ZBTB44: variants seen among roughly 807,000 people sequenced by gnomAD.
The protein encoded by ZBTB44 is zinc finger and BTB domain-containing protein 44.
In ZBTB44, 15 loss-of-function variants were observed where a neutral mutation model predicts 54.0. The observed-to-expected ratio is 0.28, with a 90% CI of 0.19 to 0.43. The LOEUF is 0.43. ZBTB44 is among the 20% of genes least tolerant of loss of function. ZBTB44 has a pLI of 1.00. For missense variants in ZBTB44, 487 were observed against 707.1 expected (o/e 0.69, Z 3.53); for synonymous variants, 230 against 250.1 (o/e 0.92, Z 0.76).
chr11:130,276,886 T>A (rs1172601139), intron 1 of ZBTB44, among the ~76,000 whole-genome samples: 1 of 152,364 alleles, frequency 6.6e-6, no homozygotes, highest in Non-Finnish European at 1.5e-5. Context: ...ATGACCCTTT[T>A]ATCCTTATAA....
chr11:130,260,923 C>T lies in ZBTB44; in HGVS notation c.951G>A (p.Gln317=). ...CTTGTTCACTTCCTGGAACTGTCTGCTGATCACTCAGCGAACTCTGAGATG... is the reference window on the plus strand; with the variant it reads ...CTTGTTCACTTCCTGGAACTGTCTGTTGATCACTCAGCGAACTCTGAGATG... ...VSASQSSLSD[Q]QTVPGSEQVQ... is the part of the protein sequence containing the mutation. The change falls in exon 2 of 8, where the codon CAG becomes CAA. Residue 317 remains glutamine, a synonymous_variant. Transcript: ENST00000357899. 6.2e-7 allele frequency: 1 copy of T among 1,614,024 alleles called. No individual in the cohort carries two copies. Among genetic ancestry groups the T allele is most frequent in the South Asian group, 1.1e-5 (1 of 91,084 alleles).
chr11:130,306,694 G>A (rs564121815), intron 1 of ZBTB44, among the ~76,000 whole-genome samples: 24 of 152,170 alleles, frequency 1.6e-4, no homozygotes, highest in South Asian at 1.0e-3. Context: ...TAAAGAAAAC[G>A]TGGTATATTT....
At chr11:130,252,514 A>C (rs976079569) in intron 2 of ZBTB44, among the ~76,000 whole-genome samples, 3 of 152,248 alleles carry the variant, frequency 2.0e-5, no homozygotes, top group Non-Finnish European at 4.4e-5. Flanking sequence ...AAAATAGACC[A>C]CATAATTGGA....
At chr11:130,235,385 C>A (rs1280858786) in intron 5 of ZBTB44, among the ~76,000 whole-genome samples, 1 of 152,054 alleles carries the variant, frequency 6.6e-6, no homozygotes, top group Admixed American at 6.5e-5. Flanking sequence ...ATATGTATAA[C>A]CTAAGGTTTA....
At chr11:130,307,356 T>C (rs138152905) in intron 1 of ZBTB44, among the ~76,000 whole-genome samples, 2,108 of 150,634 alleles carry the variant, frequency 0.014, 38 homozygotes, top group African/African-American at 0.04. Flanking sequence ...ACCCAGGGGA[T>C]GAAGCTTGCA....
chr11:130,287,488 A>T (rs746449942), intron 1 of ZBTB44, among the ~76,000 whole-genome samples: 12 of 152,234 alleles, frequency 7.9e-5, no homozygotes, highest in Non-Finnish European at 1.3e-4. Context: ...CGATAAGCAC[A>T]AAAACAGTAA....
intron 1 of ZBTB44, among the ~76,000 whole-genome samples, chr11:130,293,448 G>A (rs1162097026): frequency 1.4e-5 from 2 of 147,658 alleles, no homozygotes; most frequent in Middle Eastern, 3.5e-3. Context: ...CACTCCAGCC[G>A]GGATGACAGC....
At chr11:130,247,184 G>A (rs1362341089) in intron 2 of ZBTB44, among the ~76,000 whole-genome samples, 1 of 152,052 alleles carries the variant, frequency 6.6e-6, no homozygotes, top group Admixed American at 6.6e-5. Context: ...AAAACCCCAT[G>A]GTGTATAATC....
At chr11:130,233,812 T>A (rs1591917328) in intron 6 of ZBTB44, 2 of 1,171,754 alleles carry the variant, frequency 1.7e-6, no homozygotes, top group East Asian at 1.1e-4. Flanking sequence ...AGAAGCAATC[T>A]CTCAGTTAGG....
rs139777343 is a variant in ZBTB44 at position 130,239,632 on chromosome 11, A to G, written c.1103+180T>C. ...CTAGGTAGTTTTGGAAATGCTGGGG[A>G]AAAAAAAAAGCCTTGTATAGGTACT... is the stretch of plus-strand genomic sequence containing the variant. On this transcript the variant is annotated intron_variant, in intron 3 of 7. Coordinates refer to ENST00000357899, the MANE Select transcript of ZBTB44 (RefSeq NM_001301098.2). 3.0e-3 allele frequency: 1,022 copies of G among 342,608 alleles called. 14 individuals carry two copies. The highest frequency in any genetic ancestry group is 0.02 in the African/African-American group (901 of 45,950). 21.2% of individuals were successfully genotyped at this position (342,608 alleles called of 1,614,324 possible).
intron 1 of ZBTB44, among the ~76,000 whole-genome samples, chr11:130,264,614 A>G (rs981565748): frequency 2.0e-5 from 3 of 151,890 alleles, no homozygotes; most frequent in African/African-American, 7.3e-5. Context: ...GAAGTCTGAT[A>G]TACTTAGAAG....
intron 2 of ZBTB44, among the ~76,000 whole-genome samples, chr11:130,259,468 A>G (rs1175958641): frequency 1.3e-5 from 2 of 152,224 alleles, no homozygotes; most frequent in Non-Finnish European, 2.9e-5. Context: ...CACCCAAAGG[A>G]TTATAAATCT....
chr11:130,265,878 T>C (rs1429218656), intron 1 of ZBTB44, among the ~76,000 whole-genome samples: 2 of 152,178 alleles, frequency 1.3e-5, no homozygotes, highest in South Asian at 2.1e-4. Flanking sequence ...GCCATCTCCA[T>C]AACATAAAAG....
chr11:130,252,972 A>G (rs1212701990), intron 2 of ZBTB44, among the ~76,000 whole-genome samples: 1 of 152,234 alleles, frequency 6.6e-6, no homozygotes, highest in Non-Finnish European at 1.5e-5. Context: ...CCACATGATT[A>G]TATCAACAGA....
intron 2 of ZBTB44, among the ~76,000 whole-genome samples, chr11:130,245,727 G>A (rs2136323563): frequency 7.0e-6 from 1 of 143,648 alleles, no homozygotes; most frequent in African/African-American, 2.9e-5. Context: ...GTTGTGAGAA[G>A]GGTAGGCCAA....
chr11:130,246,208 AAC>A (rs931988915), intron 2 of ZBTB44, among the ~76,000 whole-genome samples: 2 of 152,238 alleles, frequency 1.3e-5, no homozygotes, highest in Non-Finnish European at 2.9e-5. Context: ...TTTTGCAAAT[AAC>A]ACAAGTAATC....
intron 1 of ZBTB44, among the ~76,000 whole-genome samples, chr11:130,276,533 C>T (rs1337438257): frequency 6.6e-6 from 1 of 150,950 alleles, no homozygotes; most frequent in Non-Finnish European, 1.5e-5. Flanking sequence ...CTCCTGGGTT[C>T]AAGTGATTCT....
intron 1 of ZBTB44, among the ~76,000 whole-genome samples, chr11:130,276,882 C>CT (rs1234760658): frequency 6.6e-6 from 1 of 152,132 alleles, no homozygotes; most frequent in East Asian, 1.9e-4. Context: ...TGAAATGACC[C>CT]TTTTATCCTT....
intron 1 of ZBTB44, among the ~76,000 whole-genome samples, chr11:130,265,175 A>T (rs113515690): frequency 0.013 from 1,968 of 152,064 alleles, 48 homozygotes; most frequent in African/African-American, 0.045. Flanking sequence ...CCAATTAATA[A>T]CCCTACGATG....
Sources: gnomAD v4.1 joint callset for allele counts (sites outside exome capture counted in the v4.1 genomes callset) on GRCh38, gnomAD v4.1.1 for gene constraint, MANE v1.5 for transcripts, NCBI Gene and HGNC (gene_info 2026-07-23, HGNC 2026-07-21) for gene names.